Variants in FNDC3B observed in about 807,000 individuals in gnomAD.
FNDC3B encodes the protein fibronectin type III domain containing 3B, also known as fibronectin type III domain-containing protein 3B.
Under a neutral mutation model 151.5 loss-of-function variants are expected in FNDC3B, and 12 were observed. That is an observed-to-expected ratio of 0.08 (90% CI 0.05 to 0.13). The LOEUF (loss-of-function observed/expected upper bound fraction) is 0.13, where lower values mean the gene tolerates loss of function less well. Among genes scored for constraint, FNDC3B ranks in the 10% least tolerant of loss-of-function variants. The probability of loss-of-function intolerance (pLI) is 1.00; values close to 1 mark genes in which losing one functional copy is unlikely to be tolerated. For synonymous variants in FNDC3B, 528 were observed against 549.0 expected, an observed-to-expected ratio of 0.96 and a Z score of 0.54; for missense variants, 1,214 against 1,505.3, an observed-to-expected ratio of 0.81 and a Z score of 3.20.
chr3:172,108,011 T>TA (rs771168848), intron 1 of FNDC3B, among the ~76,000 whole-genome samples: 1 of 151,932 alleles, frequency 6.6e-6, no homozygotes, highest in Non-Finnish European at 1.5e-5. Context: ...CTACTAAAAA[T>TA]ACAAAAAATA....
At chr3:172,070,814 C>T (rs1717739232) in intron 1 of FNDC3B, among the ~76,000 whole-genome samples, 1 of 152,192 alleles carries the variant, frequency 6.6e-6, no homozygotes. Context: ...TCATTCTCTG[C>T]TCCTTGCTGT....
At chr3:172,345,806 G>C (rs185408325) in intron 19 of FNDC3B, 2 of 152,194 alleles carry the variant, frequency 1.3e-5, no homozygotes, top group African/African-American at 4.8e-5. Context: ...GATTGCCGTG[G>C]ATACCCTTGA....
At chr3:172,245,091 A>G (rs1032547354) in intron 4 of FNDC3B, among the ~76,000 whole-genome samples, 1 of 152,182 alleles carries the variant, frequency 6.6e-6, no homozygotes, top group African/African-American at 2.4e-5. Flanking sequence ...AGCAATTTTT[A>G]TATGTACAGG....
chr3:172,255,665 GTGT>G (rs1431036305), intron 6 of FNDC3B, among the ~76,000 whole-genome samples: 2 of 152,194 alleles, frequency 1.3e-5, no homozygotes, highest in African/African-American at 4.8e-5. Flanking sequence ...GCCTCCCAAA[GTGT>G]TGGGATTACA....
At chr3:172,174,944 C>CCCCCCCCCCCCCCCCCCCCA (rs924176605) in intron 3 of FNDC3B, among the ~76,000 whole-genome samples, 1 of 50,654 alleles carries the variant, frequency 2.0e-5, no homozygotes, top group Non-Finnish European at 5.1e-5. Flanking sequence ...CCCCCCCCCC[C>CCCCCCCCCCCCCCCCCCCCA]CCAATACAAT....
chr3:172,081,710 G>A (rs1718287989), intron 1 of FNDC3B, among the ~76,000 whole-genome samples: 1 of 152,108 alleles, frequency 6.6e-6, no homozygotes, highest in East Asian at 1.9e-4. Context: ...TGGCTCTGTT[G>A]GTAAGGTTAG....
At chr3:172,239,853 GTTCTTTTTTT>G (rs1727392496) in intron 4 of FNDC3B, among the ~76,000 whole-genome samples, 1 of 65,878 alleles carries the variant, frequency 1.5e-5, no homozygotes, top group Non-Finnish European at 3.1e-5. Flanking sequence ...ATCCATTTTA[GTTCTTTTTTT>G]TTTTTTTTTT....
At chr3:172,089,158 A>G (rs1008744882) in intron 1 of FNDC3B, among the ~76,000 whole-genome samples, 2 of 152,232 alleles carry the variant, frequency 1.3e-5, no homozygotes, top group African/African-American at 4.8e-5. Context: ...TTAGTTCACA[A>G]ATTATTAATT....
intron 2 of FNDC3B, among the ~76,000 whole-genome samples, chr3:172,129,219 C>T (rs1161496683): frequency 1.3e-5 from 2 of 152,148 alleles, no homozygotes; most frequent in South Asian, 2.1e-4. Context: ...TGATTCTCCC[C>T]GTCTCAGCCT....
At chr3:172,173,986 G>A (rs1459133262) in intron 3 of FNDC3B, among the ~76,000 whole-genome samples, 1 of 152,190 alleles carries the variant, frequency 6.6e-6, no homozygotes, top group Non-Finnish European at 1.5e-5. Flanking sequence ...AAACTCTCGA[G>A]TTCGTCAGCG....
chr3:172,395,833 C>T (rs1044414122), intron 25 of FNDC3B, among the ~76,000 whole-genome samples: 14 of 152,166 alleles, frequency 9.2e-5, no homozygotes, highest in East Asian at 7.7e-4. Flanking sequence ...TGAAAAGATG[C>T]GCAGCATCTT....
chr3:172,131,805 A>G (rs1370066670), intron 2 of FNDC3B, among the ~76,000 whole-genome samples: 2 of 152,232 alleles, frequency 1.3e-5, no homozygotes, highest in African/African-American at 4.8e-5. Flanking sequence ...GTATACAGTA[A>G]ATAAAGTTGA....
At chr3:172,235,444 T>TG (rs1727103440) in intron 4 of FNDC3B, among the ~76,000 whole-genome samples, 1 of 152,200 alleles carries the variant, frequency 6.6e-6, no homozygotes, top group African/African-American at 2.4e-5. Context: ...TCTGTGTACC[T>TG]GGTTAAGGCT....
intron 3 of FNDC3B, among the ~76,000 whole-genome samples, chr3:172,170,691 G>GT (rs1723238493): frequency 1.3e-5 from 2 of 152,174 alleles, no homozygotes; most frequent in Non-Finnish European, 2.9e-5. Flanking sequence ...GTTGTATATT[G>GT]TTTCGACTCC....
intron 2 of FNDC3B, among the ~76,000 whole-genome samples, chr3:172,122,603 A>G (rs949299885): frequency 6.6e-6 from 1 of 152,262 alleles, no homozygotes; most frequent in Non-Finnish European, 1.5e-5. Flanking sequence ...ACAGGTGACC[A>G]TCAGATCAGA....
At chr3:172,043,301 C>G (rs994731571) in intron 1 of FNDC3B, among the ~76,000 whole-genome samples, 4 of 152,114 alleles carry the variant, frequency 2.6e-5, no homozygotes, top group African/African-American at 9.7e-5. Context: ...AAGTGTAGAA[C>G]TTTTTGACTC....
chr3:172,066,539 A>G (rs1316868364), intron 1 of FNDC3B, among the ~76,000 whole-genome samples: 1 of 152,214 alleles, frequency 6.6e-6, no homozygotes, highest in Non-Finnish European at 1.5e-5. Flanking sequence ...TTCAGGAAAT[A>G]AAGCTCATTT....
At position 172,386,759 on chromosome 3, in the gene FNDC3B, GAAAA is replaced by G. The variant is rs1233563821; in HGVS notation, c.3303+5679_3303+5682del. On this transcript the variant is annotated intron_variant, in intron 25 of 25. Coordinates refer to ENST00000415807, the MANE Select transcript of FNDC3B (RefSeq NM_022763.4). Reference sequence around the variant, plus strand: ...CTGTCTCAAAAAAAGAAAAAAAAAAGAAAAAAAAAAAAAAAACCTCTGAAGTGTC... The same window carrying G: ...CTGTCTCAAAAAAAGAAAAAAAAAAGAAAAAAAAAAAACCTCTGAAGTGTC... Among the ~76,000 whole-genome samples the G allele has an allele frequency of 5.6e-5, 6 of 106,368 alleles. No individual in the cohort carries two copies. In the Admixed American group the frequency reaches 5.9e-4, roughly 10 times the overall value. 69.8% of individuals were successfully genotyped at this position (106,368 alleles called of 152,430 possible).
At chr3:172,062,976 TTGGTG>T (rs1413793108) in intron 1 of FNDC3B, among the ~76,000 whole-genome samples, 1 of 152,198 alleles carries the variant, frequency 6.6e-6, no homozygotes, top group Non-Finnish European at 1.5e-5. Context: ...GGAAGTGAAA[TTGGTG>T]TATGATCTAA....
Sources: allele counts gnomAD v4.1 joint callset (sites outside exome capture counted in the v4.1 genomes callset), GRCh38; gene constraint gnomAD v4.1.1; transcripts MANE v1.5; gene names NCBI Gene and HGNC (gene_info 2026-07-23, HGNC 2026-07-21).